Variants in KCNAB1 observed in about 807,000 individuals in gnomAD.
KCNAB1 encodes the protein voltage-gated potassium channel subunit beta-1.
In KCNAB1, 35 loss-of-function variants were observed where a neutral mutation model predicts 64.6. The observed-to-expected ratio is 0.54, with a 90% CI of 0.41 to 0.72. The LOEUF (loss-of-function observed/expected upper bound fraction) is 0.72, where lower values mean the gene tolerates loss of function less well. Among genes scored for constraint, KCNAB1 ranks in the 30% least tolerant of loss-of-function variants. The pLI is 0.00. For synonymous variants in KCNAB1, 177 were observed against 183.8 expected, an observed-to-expected ratio of 0.96 and a Z score of 0.30; for missense variants, 401 against 512.9, an observed-to-expected ratio of 0.78 and a Z score of 2.11.
intron 1 of KCNAB1, among the ~76,000 whole-genome samples, chr3:156,244,125 A>G (rs1717322984): frequency 6.6e-6 from 1 of 152,236 alleles, no homozygotes; most frequent in Non-Finnish European, 1.5e-5. Flanking sequence ...GTGGCTTAAA[A>G]CAACACAAAT....
At chr3:156,395,321 G>A (rs1390834299) in intron 1 of KCNAB1, among the ~76,000 whole-genome samples, 6 of 149,374 alleles carry the variant, frequency 4.0e-5, no homozygotes, top group Admixed American at 3.3e-4. Context: ...CGAGGCGGGC[G>A]GATCACGAGG....
chr3:156,320,635 G>A (rs1226598298), intron 1 of KCNAB1, among the ~76,000 whole-genome samples: 2 of 152,172 alleles, frequency 1.3e-5, no homozygotes, highest in East Asian at 3.9e-4. Flanking sequence ...CATGGTGGGA[G>A]GCAGAGGGGA....
At chr3:156,195,758 G>A (rs1713874688) in intron 1 of KCNAB1, among the ~76,000 whole-genome samples, 1 of 152,132 alleles carries the variant, frequency 6.6e-6, no homozygotes, top group Non-Finnish European at 1.5e-5. Flanking sequence ...TCTGATGATA[G>A]TTTCTTTTGC....
At chr3:156,154,328 G>C (rs1246339687) in intron 1 of KCNAB1, among the ~76,000 whole-genome samples, 2 of 152,058 alleles carry the variant, frequency 1.3e-5, no homozygotes, top group Admixed American at 6.5e-5. Flanking sequence ...CTTTCTACCA[G>C]TTGTCCCTCA....
At chr3:156,399,023 T>C (rs1392650082) in intron 1 of KCNAB1, among the ~76,000 whole-genome samples, 3 of 152,202 alleles carry the variant, frequency 2.0e-5, no homozygotes, top group Admixed American at 6.5e-5. Flanking sequence ...CACCAAGCTC[T>C]CTCTCTTTAA....
intron 2 of KCNAB1, among the ~76,000 whole-genome samples, chr3:156,430,612 G>A (rs1031665087): frequency 6.6e-6 from 1 of 152,116 alleles, no homozygotes; most frequent in Non-Finnish European, 1.5e-5. Flanking sequence ...GTCAGGGAGA[G>A]GCGATATGTC....
chr3:156,204,489 G>T (rs1370658473), intron 1 of KCNAB1, among the ~76,000 whole-genome samples: 1 of 152,190 alleles, frequency 6.6e-6, no homozygotes, highest in Non-Finnish European at 1.5e-5. Context: ...ACTTCCCTCT[G>T]TTTAGAACTG....
intron 1 of KCNAB1, among the ~76,000 whole-genome samples, chr3:156,310,411 C>T (rs1412271712): frequency 6.6e-6 from 1 of 152,032 alleles, no homozygotes; most frequent in Non-Finnish European, 1.5e-5. Flanking sequence ...CCAATTGGTC[C>T]TGCAGGCCCT....
intron 2 of KCNAB1, among the ~76,000 whole-genome samples, chr3:156,433,595 T>A (rs1418137204): frequency 2.6e-5 from 4 of 151,928 alleles, no homozygotes; most frequent in Non-Finnish European, 5.9e-5. Context: ...GGCAGAGAGA[T>A]AGAGGTACAA....
chr3:156,423,907 A>G (rs1715638072), intron 2 of KCNAB1, among the ~76,000 whole-genome samples: 1 of 152,186 alleles, frequency 6.6e-6, no homozygotes, highest in Admixed American at 6.5e-5. Context: ...AGAGGGACTA[A>G]AGAATTGTTG....
At chr3:156,174,985 A>G (rs539122223) in intron 1 of KCNAB1, among the ~76,000 whole-genome samples, 5 of 152,278 alleles carry the variant, frequency 3.3e-5, no homozygotes, top group South Asian at 4.1e-4. Flanking sequence ...CACAATATTT[A>G]TTTATTTACC....
intron 8 of KCNAB1, among the ~76,000 whole-genome samples, chr3:156,487,312 G>T (rs1391851435): frequency 6.6e-6 from 1 of 152,036 alleles, no homozygotes; most frequent in Non-Finnish European, 1.5e-5. Context: ...CCCTCCTTGG[G>T]AATCTGAAAA....
intron 1 of KCNAB1, among the ~76,000 whole-genome samples, chr3:156,287,587 T>C (rs1408560453): frequency 6.6e-6 from 1 of 152,098 alleles, no homozygotes; most frequent in Non-Finnish European, 1.5e-5. Flanking sequence ...ATCCCCGTAC[T>C]GTGGGAGGCC....
At chr3:156,237,275 G>A (rs1716904941) in intron 1 of KCNAB1, among the ~76,000 whole-genome samples, 1 of 152,142 alleles carries the variant, frequency 6.6e-6, no homozygotes. Context: ...TCTAAATGAA[G>A]TTTACTAAAT....
At chr3:156,367,342 A>ATT (rs35405893) in intron 1 of KCNAB1, among the ~76,000 whole-genome samples, 106 of 146,116 alleles carry the variant, frequency 7.3e-4, no homozygotes, top group Middle Eastern at 7.0e-3. Flanking sequence ...CGCCCAGCTA[A>ATT]TTTTTTTTTT....
At chr3:156,536,587 A>G in intron 13 of KCNAB1, 71 bp from the exon 14 acceptor site, 1 of 1,044,548 alleles carries the variant, frequency 9.6e-7, no homozygotes, top group Non-Finnish European at 1.5e-6. Context: ...ACTTTGCTAA[A>G]TATAGAGCAC....
chr3:156,480,500 C>A (rs1714711273), intron 8 of KCNAB1, among the ~76,000 whole-genome samples: 1 of 149,982 alleles, frequency 6.7e-6, no homozygotes, highest in African/African-American at 2.5e-5. Context: ...ACCTATGTAA[C>A]AAACTTGCAC....
In KCNAB1 at chr3:156,459,883, G is replaced by A. The variant is rs368568109; in HGVS notation, c.482+12G>A. On this transcript the variant is annotated intron_variant, in intron 5 of 13. Transcript: ENST00000490337. ...AAGAAAGGCTGGAGGTATTGCATTC[G>A]CCATAATTATTTGTTTTTAAAAAGG... 3.3e-5 allele frequency: 52 copies of A among 1,594,212 alleles called. No homozygotes were observed. The highest frequency in any genetic ancestry group is 8.1e-5 in the African/African-American group (6 of 74,274).
intron 1 of KCNAB1, among the ~76,000 whole-genome samples, chr3:156,375,830 T>G (rs139601387): frequency 0.026 from 2,629 of 102,288 alleles, 405 homozygotes; most frequent in South Asian, 0.042. Flanking sequence ...CTTCTTTTTT[T>G]TGTGTGTGTG....
Sources: allele counts gnomAD v4.1 joint callset (sites outside exome capture counted in the v4.1 genomes callset), GRCh38; gene constraint gnomAD v4.1.1; transcripts MANE v1.5; gene names NCBI Gene and HGNC (gene_info 2026-07-23, HGNC 2026-07-21).